The following R3HCC1L variants were observed in gnomAD, a reference collection of about 807,000 sequenced individuals.
The protein encoded by R3HCC1L is R3H domain and coiled-coil containing 1 like.
In R3HCC1L, 51 loss-of-function variants were observed where a neutral mutation model predicts 59.9. The observed-to-expected ratio is 0.85, with a 90% CI of 0.68 to 1.07. The LOEUF (loss-of-function observed/expected upper bound fraction) is 1.07, where lower values mean the gene tolerates loss of function less well. Ranked by LOEUF, R3HCC1L falls within the 50% of genes least tolerant of loss-of-function variation. The probability of loss-of-function intolerance (pLI) is 0.00; values close to 1 mark genes in which losing one functional copy is unlikely to be tolerated. For synonymous variants in R3HCC1L, 322 were observed against 315.2 expected (o/e 1.02, Z -0.23); for missense variants, 965 against 933.0 (o/e 1.03, Z -0.45).
chr10:98,170,324 G>C (rs1359586876), intron 4 of R3HCC1L, among the ~76,000 whole-genome samples: 1 of 151,676 alleles, frequency 6.6e-6, no homozygotes, highest in Non-Finnish European at 1.5e-5. Flanking sequence ...GCTTTTTGTT[G>C]GTTTGTTTTG....
intron 4 of R3HCC1L, among the ~76,000 whole-genome samples, chr10:98,197,772 G>A (rs879449389): frequency 5.3e-5 from 8 of 152,166 alleles, no homozygotes; most frequent in Admixed American, 1.3e-4. Context: ...TATGATAATT[G>A]CTTTAATGAA....
intron 1 of R3HCC1L, among the ~76,000 whole-genome samples, chr10:98,155,068 C>T (rs1846706183): frequency 6.6e-6 from 1 of 152,130 alleles, no homozygotes; most frequent in Non-Finnish European, 1.5e-5. Context: ...TAACCCTCTT[C>T]TGTTGTTTTA....
intron 4 of R3HCC1L, chr10:98,174,504 G>A (rs1265616614): frequency 2.4e-6 from 2 of 822,414 alleles, no homozygotes; most frequent in Non-Finnish European, 1.5e-6. Flanking sequence ...TGTAGAGTGT[G>A]AGATGGCATT....
intron 1 of R3HCC1L, among the ~76,000 whole-genome samples, chr10:98,149,965 A>G (rs1845987461): frequency 2.0e-5 from 3 of 152,136 alleles, no homozygotes; most frequent in Non-Finnish European, 1.5e-5. Flanking sequence ...CTTTAGATCT[A>G]TTAACATTTG....
At position 98,162,886 on chromosome 10, in the gene R3HCC1L, C is replaced by A. The variant is rs549819489; in HGVS notation, c.-209C>A. The A allele has an allele frequency of 2.0e-5, 3 of 152,358 alleles. No homozygotes were observed. The highest frequency in any genetic ancestry group is 2.4e-5 in the African/African-American group (1 of 41,392). The allele number at this position is 152,358 out of a possible 1,614,324, so 9.4% of individuals were successfully genotyped here. On this transcript the variant is annotated 5_prime_UTR_variant, in exon 3 of 10. Coordinates refer to ENST00000298999, the MANE Select transcript of R3HCC1L (RefSeq NM_001351015.2). ...CTGATTTCTATATTTTTTGTAGAGA[C>A]GGAGTTTTGCCATGTTGTCCAGGCT...
intron 1 of R3HCC1L, among the ~76,000 whole-genome samples, chr10:98,152,803 C>T (rs1370824424): frequency 4.4e-4 from 67 of 150,922 alleles, no homozygotes; most frequent in African/African-American, 1.5e-3. Context: ...GCAGCCGCCC[C>T]GTCTGAGAAG....
At chr10:98,187,718 G>A in intron 4 of R3HCC1L, among the ~76,000 whole-genome samples, 1 of 147,036 alleles carries the variant, frequency 6.8e-6, no homozygotes, top group South Asian at 2.2e-4. Flanking sequence ...AAACAGATAA[G>A]ATGTAACAAT....
intron 1 of R3HCC1L, among the ~76,000 whole-genome samples, chr10:98,153,341 T>C (rs943955882): frequency 6.6e-6 from 1 of 152,198 alleles, no homozygotes; most frequent in Non-Finnish European, 1.5e-5. Flanking sequence ...AAACATGTGC[T>C]GTGTCCACTC....
intron 4 of R3HCC1L, among the ~76,000 whole-genome samples, chr10:98,192,351 C>G (rs1850956304): frequency 6.6e-6 from 1 of 151,670 alleles, no homozygotes; most frequent in Admixed American, 6.6e-5. Flanking sequence ...AGTAAAGAAA[C>G]TAAATAGTTT....
At chr10:98,176,698 T>C (rs1187925218) in intron 4 of R3HCC1L, among the ~76,000 whole-genome samples, 1 of 152,190 alleles carries the variant, frequency 6.6e-6, no homozygotes, top group African/African-American at 2.4e-5. Context: ...TTTTATATTT[T>C]TTTCTGCCTT....
intron 5 of R3HCC1L, among the ~76,000 whole-genome samples, chr10:98,224,778 C>T (rs7914867): frequency 6.6e-6 from 1 of 152,166 alleles, no homozygotes; most frequent in Non-Finnish European, 1.5e-5. Context: ...TCTGTTTTTG[C>T]TCTATCAGAC....
chr10:98,209,364 GA>G lies in R3HCC1L; in HGVS notation c.1252del (p.Met418Ter). The G allele has an allele frequency of 6.2e-7, 1 of 1,613,962 alleles. No individual in the cohort carries two copies. Among genetic ancestry groups the G allele is most frequent in the Non-Finnish European group, 8.5e-7 (1 of 1,179,992 alleles). On this transcript the variant is annotated frameshift_variant, in exon 5 of 10. Transcript: ENST00000298999. LOFTEE classifies it high-confidence loss of function. ...INTRSFSKFVGMSADATPLHV... is the reference protein window; with the variant it reads ...INTRSFSKFVXMSADATPLHV... ...ACACGAAGTTTCTCAAAGTTTGTAGGAATGAGTGCAGATGCAACCCCTCTTC... is the reference window on the plus strand; with the variant it reads ...ACACGAAGTTTCTCAAAGTTTGTAGGATGAGTGCAGATGCAACCCCTCTTC...
intron 4 of R3HCC1L, among the ~76,000 whole-genome samples, chr10:98,192,568 G>T (rs1186909631): frequency 6.6e-6 from 1 of 152,104 alleles, no homozygotes; most frequent in Non-Finnish European, 1.5e-5. Flanking sequence ...TAGATTTCTA[G>T]AAACATAACA....
At chr10:98,147,777 T>G (rs972293621) in intron 1 of R3HCC1L, among the ~76,000 whole-genome samples, 4 of 152,190 alleles carry the variant, frequency 2.6e-5, no homozygotes, top group African/African-American at 9.6e-5. Context: ...TGTGTCTGTT[T>G]TAATGCCAGT....
intron 9 of R3HCC1L, among the ~76,000 whole-genome samples, chr10:98,237,386 G>A (rs533676052): frequency 1.3e-5 from 2 of 152,228 alleles, no homozygotes; most frequent in South Asian, 4.2e-4. Flanking sequence ...TATAAAAGGG[G>A]ATATGACTCC....
At position 98,211,316 on chromosome 10, in the gene R3HCC1L, A is replaced by G. The variant is rs1352700749; in HGVS notation, c.1785+1417A>G. 4 of 1,523,072 alleles carry G rather than the reference A, an allele frequency of 2.6e-6. No homozygotes were observed. In the African/African-American group the frequency reaches 5.5e-5, roughly 21 times the overall value. The allele number at this position is 1,523,072 out of a possible 1,614,324, so 94.3% of individuals were successfully genotyped here. On this transcript the variant is annotated intron_variant, in intron 5 of 9. Transcript: ENST00000298999. ...TTTACAACTTTTTCAGGGGATTCTG[A>G]TGCACATAAAGCCCGAGAACCACTG...
Position 98,244,157 on chromosome 10 carries a change from G to C in R3HCC1L, c.2336G>C (p.Ter779SerextTer17). Residue 779 changes from the stop codon to serine (S), a stop_lost, in exon 10 of 10, where the codon TGA (stop) becomes TCA (serine). Transcript: ENST00000298999. The part of the protein sequence containing the change: ...IWEGRDQSTV[*>S] ...GAAGGCAGAGACCAGTCTACAGTTT[G>C]AACATCACTCAATGAAAGGGATAAT... 1 of 1,613,464 alleles carries C rather than the reference G, an allele frequency of 6.2e-7. No individual in the cohort carries two copies. Among genetic ancestry groups the C allele is most frequent in the East Asian group, 2.2e-5 (1 of 44,882 alleles).
At chr10:98,238,403 T>G (rs1857183305) in intron 9 of R3HCC1L, among the ~76,000 whole-genome samples, 3 of 152,176 alleles carry the variant, frequency 2.0e-5, no homozygotes, top group Non-Finnish European at 4.4e-5. Context: ...AATATGTTCC[T>G]CTTTTAGGTA....
rs1040926656 is a variant in R3HCC1L at position 98,208,976 on chromosome 10, A to T, written c.862A>T (p.Ser288Cys). The T allele has an allele frequency of 6.2e-7, 1 of 1,614,044 alleles. No homozygotes were observed. Among genetic ancestry groups the T allele is most frequent in the South Asian group, 1.1e-5 (1 of 91,060 alleles). ...DQTCVDFEVE[S>C]VGGIANSTGF... is the part of the protein sequence containing the mutation. ...AACTTGCGTAGATTTTGAAGTTGAG[A>T]GTGTAGGTGGTATAGCCAATAGTAC... Residue 288 changes from serine (S) to cysteine (C), a missense_variant, in exon 5 of 10, where the codon AGT becomes TGT. By Grantham distance (112) the Ser-to-Cys change is moderately radical. Coordinates refer to ENST00000298999, the MANE Select transcript of R3HCC1L (RefSeq NM_001351015.2).
Sources: gnomAD v4.1 joint callset for allele counts (sites outside exome capture counted in the v4.1 genomes callset) on GRCh38, gnomAD v4.1.1 for gene constraint, MANE v1.5 for transcripts, NCBI Gene and HGNC (gene_info 2026-07-23, HGNC 2026-07-21) for gene names.